Variants in CTDP1 observed in about 807,000 individuals in gnomAD.
CTDP1 encodes RNA polymerase II subunit A C-terminal domain phosphatase.
Under a neutral mutation model 91.8 loss-of-function variants are expected in CTDP1, and 47 were observed. The ratio of observed to expected loss-of-function variants is 0.51; its 90% CI spans 0.41 to 0.65. The LOEUF (loss-of-function observed/expected upper bound fraction) is 0.65, where lower values mean the gene tolerates loss of function less well. Ranked by LOEUF, CTDP1 falls within the 30% of genes least tolerant of loss-of-function variation. The pLI is 0.00. For synonymous variants in CTDP1, 656 were observed against 598.5 expected (o/e 1.10, Z -1.40); for missense variants, 1,272 against 1,373.7 (o/e 0.93, Z 1.17).
At chr18:79,686,988 G>T (rs370549072) in intron 1 of CTDP1, among the ~76,000 whole-genome samples, 1 of 121,042 alleles carries the variant, frequency 8.3e-6, no homozygotes, top group East Asian at 2.6e-4. Context: ...TCACTGGTGG[G>T]CCTGCACCGC....
rs536049745 is a variant in CTDP1, at chr18:79,693,156, A to G, written c.315-2069A>G. Reference sequence around the variant, plus strand: ...CCTGTGGCCTCAGCAAGCAGGGAGCAGGTGTCCCTGAGGCCTGTGAAGCCT... The same window carrying G: ...CCTGTGGCCTCAGCAAGCAGGGAGCGGGTGTCCCTGAGGCCTGTGAAGCCT... On this transcript the variant is annotated intron_variant, in intron 1 of 12. Transcript: ENST00000613122. Among the ~76,000 whole-genome samples the G allele has an allele frequency of 9.9e-5, 15 of 152,276 alleles. No homozygotes were observed. The South Asian group carries it at 2.9e-3, about 29-fold the overall frequency.
chr18:79,683,124 G>A (rs1002339513), intron 1 of CTDP1: 6 of 152,300 alleles, frequency 3.9e-5, no homozygotes, highest in Admixed American at 1.3e-4. Context: ...GCCTTCAACC[G>A]TCATTGACTC....
rs542752825 is a variant in CTDP1 at position 79,713,859 on chromosome 18, A to G, written c.1031-632A>G. On this transcript the variant is annotated intron_variant, in intron 7 of 12. Coordinates refer to ENST00000613122, the MANE Select transcript of CTDP1 (RefSeq NM_004715.5). This position sits in a 1 kb window ranked among gnomAD's most constrained non-coding sequence, Gnocchi z 4.7. ...GCCAGGTCATCCGGGGCTTACAGTC[A>G]CGGTGGCGCCAGGTCTGCAGGGGCT... 3.3e-5 allele frequency among the ~76,000 whole-genome samples: 5 copies of G among 151,574 alleles called. No homozygotes were observed. The highest frequency in any genetic ancestry group is 7.4e-5 in the Non-Finnish European group (5 of 67,882).
intron 6 of CTDP1, among the ~76,000 whole-genome samples, 190 bp from the exon 7 acceptor site, chr18:79,712,782 C>T (rs2086109516): frequency 2.0e-5 from 3 of 152,158 alleles, no homozygotes; most frequent in Admixed American, 2.0e-4. Flanking sequence ...TCGGAAACAG[C>T]ACTGAAGATG....
intron 11 of CTDP1, among the ~76,000 whole-genome samples, chr18:79,731,933 T>G (rs920046064): frequency 7.4e-6 from 1 of 134,358 alleles, no homozygotes; most frequent in African/African-American, 2.8e-5. Context: ...GAACTCACAT[T>G]AGGAGTGCTC....
chr18:79,697,146 ACC>A (rs1180606137), intron 3 of CTDP1, among the ~76,000 whole-genome samples: 1 of 151,776 alleles, frequency 6.6e-6, no homozygotes, highest in Admixed American at 6.6e-5. Flanking sequence ...AGGAGGAAGT[ACC>A]CCCCATCTTT....
At chr18:79,753,534 G>A in intron 12 of CTDP1, 118 bp from the exon 13 acceptor site, 2 of 1,516,874 alleles carry the variant, frequency 1.3e-6, no homozygotes, top group Non-Finnish European at 1.8e-6. Flanking sequence ...TCCTTGACCA[G>A]AGAATTGTGC....
At chr18:79,740,596 C>T (rs760578447) in intron 12 of CTDP1, among the ~76,000 whole-genome samples, 4 of 152,206 alleles carry the variant, frequency 2.6e-5, no homozygotes, top group Non-Finnish European at 5.9e-5. Context: ...CGTACAGAAG[C>T]TGGAGGTCAC....
intron 10 of CTDP1, among the ~76,000 whole-genome samples, chr18:79,721,437 G>C (rs779283977): frequency 3.7e-4 from 56 of 152,172 alleles, no homozygotes; most frequent in Admixed American, 1.2e-3. Context: ...GGTCTGTTCT[G>C]TACTGTCATT....
intron 1 of CTDP1, among the ~76,000 whole-genome samples, chr18:79,691,289 G>A (rs117231913): frequency 0.014 from 2,092 of 152,350 alleles, 105 homozygotes; most frequent in Admixed American, 0.084. Flanking sequence ...GGTGGCCCAA[G>A]GGAGGCTGTT....
chr18:79,695,141 C>T (rs1038417940), intron 1 of CTDP1, 84 bp from the exon 2 acceptor site: 1 of 1,299,408 alleles, frequency 7.7e-7, no homozygotes, highest in Admixed American at 1.8e-5. Context: ...GGTACAAAAA[C>T]CTAGATTTTA....
At chr18:79,734,935 G>T (rs779235410) in intron 11 of CTDP1, among the ~76,000 whole-genome samples, 1 of 152,202 alleles carries the variant, frequency 6.6e-6, no homozygotes, top group African/African-American at 2.4e-5. Context: ...TGATAAAGCC[G>T]CTGCCTTAGC....
chr18:79,699,975 ATT>A (rs1243791737), intron 4 of CTDP1, among the ~76,000 whole-genome samples: 1 of 152,036 alleles, frequency 6.6e-6, no homozygotes, highest in Non-Finnish European at 1.5e-5. Flanking sequence ...AGCTATAGGG[ATT>A]TGTGGTCAGT....
chr18:79,739,010 G>A (rs1233177774), intron 12 of CTDP1, among the ~76,000 whole-genome samples: 2 of 152,184 alleles, frequency 1.3e-5, no homozygotes, highest in Admixed American at 1.3e-4. Context: ...TGAAGCTCTG[G>A]GGTCAGGCCT....
chr18:79,723,556 G>C (rs961202320), intron 10 of CTDP1, among the ~76,000 whole-genome samples: 6 of 152,200 alleles, frequency 3.9e-5, no homozygotes, highest in African/African-American at 1.4e-4. Context: ...TGGGGACCTG[G>C]GGGTGAGTGG....
chr18:79,677,464 G>C (rs902835313), upstream of CTDP1: 2 of 152,304 alleles, frequency 1.3e-5, no homozygotes. Context: ...GCTACAGCTC[G>C]TGTCTGGCTT....
chr18:79,703,776 G>A (rs1414407948), intron 4 of CTDP1: 1 of 152,140 alleles, frequency 6.6e-6, no homozygotes, highest in Non-Finnish European at 1.5e-5. Context: ...TGTCCTAGGC[G>A]GTCGTTGCAG....
At chr18:79,708,386 G>A (rs933152501) in intron 5 of CTDP1, among the ~76,000 whole-genome samples, 2 of 152,242 alleles carry the variant, frequency 1.3e-5, no homozygotes, top group Admixed American at 1.3e-4. Context: ...CAGTAGGGAT[G>A]GGTGCAGGGA....
In CTDP1 at chr18:79,694,425, G is replaced by T. The variant is rs181586860; in HGVS notation, c.315-800G>T. Among the ~76,000 whole-genome samples, 137 of 104,204 alleles carry T rather than the reference G, an allele frequency of 1.3e-3. 11 individuals carry two copies. Among genetic ancestry groups the T allele is most frequent in the African/African-American group, 4.1e-3 (123 of 29,896 alleles). 68.4% of individuals were successfully genotyped at this position (104,204 alleles called of 152,430 possible). On this transcript the variant is annotated intron_variant, in intron 1 of 12. Coordinates refer to ENST00000613122, the MANE Select transcript of CTDP1 (RefSeq NM_004715.5). Reference sequence around the variant, plus strand: ...CGGGGCGCGGTGGTCGGAGCAGCCCGGCTGGGATGGGAGTGTGGGGGCTAC... The same window carrying T: ...CGGGGCGCGGTGGTCGGAGCAGCCCTGCTGGGATGGGAGTGTGGGGGCTAC...
Sources: allele counts gnomAD v4.1 joint callset (sites outside exome capture counted in the v4.1 genomes callset), GRCh38; gene constraint gnomAD v4.1.1; non-coding constraint Gnocchi (gnomAD v3.1); transcripts MANE v1.5; gene names NCBI Gene and HGNC (gene_info 2026-07-23, HGNC 2026-07-21).